ADAMTS2: variants seen among roughly 807,000 people sequenced by gnomAD.
ADAMTS2 encodes ADAM metallopeptidase with thrombospondin type 1 motif 2, also known as A disintegrin and metalloproteinase with thrombospondin motifs 2.
ADAMTS2 carries 50 observed loss-of-function variants against 123.0 expected under a neutral mutation model. The observed-to-expected ratio is 0.41, with a 90% CI of 0.32 to 0.51. ADAMTS2 has a LOEUF of 0.51. Among genes scored for constraint, ADAMTS2 ranks in the 20% least tolerant of loss-of-function variants. The pLI is 0.35. For missense variants in ADAMTS2, 1,494 were observed against 1,705.2 expected (o/e 0.88, Z 2.18); for synonymous variants, 678 against 695.4 (o/e 0.98, Z 0.39).
intron 3 of ADAMTS2, among the ~76,000 whole-genome samples, chr5:179,265,220 G>C (rs1766336672): frequency 2.0e-5 from 3 of 152,216 alleles, no homozygotes; most frequent in Non-Finnish European, 4.4e-5. Flanking sequence ...CCATCCTCCG[G>C]GTCAGGCTTG....
rs1022172195 is a variant in ADAMTS2 at position 179,170,286 on chromosome 5, G to A, written c.975+10786C>T. Among the ~76,000 whole-genome samples, 1 of 152,152 alleles carries A rather than the reference G, an allele frequency of 6.6e-6. No individual in the cohort carries two copies. The highest frequency in any genetic ancestry group is 2.4e-5 in the African/African-American group (1 of 41,428). Reference sequence around the variant, plus strand: ...GCAATGGGGGAGCGGCAGGTGGGGAGCTGGTCTATTTCTGTCACAATTTGG... The same window carrying A: ...GCAATGGGGGAGCGGCAGGTGGGGAACTGGTCTATTTCTGTCACAATTTGG... On this transcript the variant is annotated intron_variant, in intron 5 of 21. Coordinates refer to ENST00000251582, the MANE Select transcript of ADAMTS2 (RefSeq NM_014244.5). This position sits in a 1 kb window ranked among gnomAD's most constrained non-coding sequence, Gnocchi z 4.3.
At chr5:179,205,151 C>T (rs1387449397) in intron 4 of ADAMTS2, among the ~76,000 whole-genome samples, 1 of 152,234 alleles carries the variant, frequency 6.6e-6, no homozygotes, top group East Asian at 1.9e-4. Context: ...ACGTTCTAGA[C>T]ATCCTCCAAC....
At chr5:179,150,356 C>T (rs1290280974) in intron 10 of ADAMTS2, among the ~76,000 whole-genome samples, 1 of 152,248 alleles carries the variant, frequency 6.6e-6, no homozygotes, top group African/African-American at 2.4e-5. Flanking sequence ...GTTCTGGCCT[C>T]ACTGGGCCCC....
chr5:179,333,404 C>G (rs972014147), intron 2 of ADAMTS2, among the ~76,000 whole-genome samples: 10 of 152,312 alleles, frequency 6.6e-5, no homozygotes, highest in African/African-American at 1.2e-4. Context: ...AAAAGACTCT[C>G]CTGTGTAGCT....
Position 179,136,047 on chromosome 5 carries a change from A to G in ADAMTS2, c.1952-5T>C. ...ACAGGTGGCATCTCTCCTTGGCTGGAAGGGAAGCAGCTGGGGGTCTGCAAG... is the reference window on the plus strand; with the variant it reads ...ACAGGTGGCATCTCTCCTTGGCTGGGAGGGAAGCAGCTGGGGGTCTGCAAG... On this transcript the variant is annotated splice_polypyrimidine_tract_variant and splice_region_variant and intron_variant, in intron 12 of 21. Transcript: ENST00000251582. 1 of 1,613,176 alleles carries G rather than the reference A, an allele frequency of 6.2e-7. No individual in the cohort carries two copies. Among genetic ancestry groups the G allele is most frequent in the East Asian group, 2.2e-5 (1 of 44,852 alleles).
rs1762977531 is a variant in ADAMTS2 at position 179,132,233 on chromosome 5, G to T, written c.2287C>A (p.Leu763Met). The stretch of plus-strand genomic sequence containing the variant: ...GTTGTCCGGCTCTGAGACTCACCCA[G>T]ATGGTGGCTGGTGGCGTCTACCTCC... Reference protein sequence around the residue: ...IQEVDATSHHLAVKNLETGKF... With the variant: ...IQEVDATSHHMAVKNLETGKF... Residue 763 changes from leucine (L) to methionine (M), a missense_variant, in exon 15 of 22, where the codon CTG becomes ATG. This residue lies in a region of ADAMTS2 where 953 missense variants were observed against 1,124.7 expected (regional missense o/e 0.85). Coordinates refer to ENST00000251582, the MANE Select transcript of ADAMTS2 (RefSeq NM_014244.5). The surrounding 1 kb of genome is among the most constrained non-coding windows in gnomAD (Gnocchi z 6.1). 6.2e-7 allele frequency: 1 copy of T among 1,614,036 alleles called. No individual in the cohort carries two copies.
chr5:179,208,001 A>ACATGATGGAT (rs1581190739), intron 3 of ADAMTS2, among the ~76,000 whole-genome samples: 1 of 152,058 alleles, frequency 6.6e-6, no homozygotes, highest in East Asian at 1.9e-4. Flanking sequence ...AGTGGCCTCC[A>ACATGATGGAT]CACGATGGAT....
intron 2 of ADAMTS2, among the ~76,000 whole-genome samples, chr5:179,283,565 A>AAAAAAAAAAAAAAAAAAAAAG (rs1755894491): frequency 6.6e-6 from 1 of 150,908 alleles, no homozygotes; most frequent in African/African-American, 2.4e-5. Flanking sequence ...AAAAAAAAAA[A>AAAAAAAAAAAAAAAAAAAAAG]AAAAATCCAG....
intron 5 of ADAMTS2, among the ~76,000 whole-genome samples, chr5:179,179,348 C>A (rs10903235): frequency 1.3e-5 from 2 of 151,516 alleles, no homozygotes; most frequent in South Asian, 2.1e-4. Context: ...ATTTCATCAG[C>A]GAAGATGGAC....
intron 3 of ADAMTS2, among the ~76,000 whole-genome samples, chr5:179,212,723 G>A (rs1453184990): frequency 5.6e-5 from 7 of 125,904 alleles, no homozygotes; most frequent in Non-Finnish European, 1.2e-4. Context: ...TGGGCCCTGA[G>A]GGCGGGTGCA....
chr5:179,218,088 G>A (rs1373982384), intron 3 of ADAMTS2, among the ~76,000 whole-genome samples: 1 of 152,236 alleles, frequency 6.6e-6, no homozygotes, highest in East Asian at 1.9e-4. Flanking sequence ...CCCAGAAGAG[G>A]AGAGGGAGGC....
At chr5:179,169,752 C>T (rs886737059) in intron 5 of ADAMTS2, among the ~76,000 whole-genome samples, 2 of 152,318 alleles carry the variant, frequency 1.3e-5, no homozygotes, top group East Asian at 1.9e-4. Flanking sequence ...GCACACCAAG[C>T]CCCCACCCCC....
At chr5:179,331,338 G>A (rs1757469642) in intron 2 of ADAMTS2, among the ~76,000 whole-genome samples, 1 of 117,990 alleles carries the variant, frequency 8.5e-6, no homozygotes, top group Non-Finnish European at 1.8e-5. Flanking sequence ...GAGGGGAGTG[G>A]GAAAAAGAGG....
chr5:179,293,313 G>A (rs969341385), intron 2 of ADAMTS2, among the ~76,000 whole-genome samples: 7 of 152,252 alleles, frequency 4.6e-5, no homozygotes, highest in Admixed American at 1.3e-4. Flanking sequence ...ACTCCCACAT[G>A]AGCAGCCTCT....
intron 3 of ADAMTS2, among the ~76,000 whole-genome samples, chr5:179,253,504 G>A (rs1765974103): frequency 6.6e-6 from 1 of 152,034 alleles, no homozygotes; most frequent in African/African-American, 2.4e-5. Flanking sequence ...AAATTCGGGG[G>A]GTGTGGTGGC....
At chr5:179,343,184 CCTGGG>C (rs1328558315) in intron 2 of ADAMTS2, among the ~76,000 whole-genome samples, 2 of 152,236 alleles carry the variant, frequency 1.3e-5, no homozygotes, top group Non-Finnish European at 2.9e-5. Flanking sequence ...CTGCCAGCTC[CCTGGG>C]CTGGTATTAC....
chr5:179,139,377 G>T (rs1018535504), intron 11 of ADAMTS2, among the ~76,000 whole-genome samples: 1 of 152,132 alleles, frequency 6.6e-6, no homozygotes, highest in African/African-American at 2.4e-5. Flanking sequence ...GACAGCACAG[G>T]GCATGGGGCC....
chr5:179,136,025 G>C lies in ADAMTS2; in HGVS notation c.1969C>G (p.Leu657Val). The C allele has an allele frequency of 1.2e-6, 2 of 1,613,430 alleles. No homozygotes were observed. The highest frequency in any genetic ancestry group is 1.7e-6 in the Non-Finnish European group (2 of 1,180,024). Residue 657 changes from leucine (L) to valine (V), a missense_variant, in exon 13 of 22, where the codon CTG becomes GTG. Leu to Val is a conservative substitution (Grantham distance 32). Coordinates refer to ENST00000251582, the MANE Select transcript of ADAMTS2 (RefSeq NM_014244.5). ...CCGGTCTCCCTGGACTCGCAGTACA[G>C]GTGGCATCTCTCCTTGGCTGGAAGG... Reference protein sequence around the residue: ...EHRDAKERCHLYCESRETGEV... With the variant: ...EHRDAKERCHVYCESRETGEV...
chr5:179,238,010 C>T (rs543149535), intron 3 of ADAMTS2, among the ~76,000 whole-genome samples: 15 of 152,304 alleles, frequency 9.8e-5, no homozygotes, highest in South Asian at 4.1e-4. Context: ...CCCCGCCCCA[C>T]GGAGGCCTTG....
Sources: gnomAD v4.1 joint callset for allele counts (sites outside exome capture counted in the v4.1 genomes callset) on GRCh38, gnomAD v4.1.1 for gene constraint, gnomAD v4.1.1 regional missense constraint, Gnocchi (gnomAD v3.1) non-coding constraint, MANE v1.5 for transcripts, NCBI Gene and HGNC (gene_info 2026-07-23, HGNC 2026-07-21) for gene names.